Variants in BRWD1 observed in about 807,000 individuals in gnomAD.
The protein encoded by BRWD1 is bromodomain and WD repeat domain containing 1, also known as bromodomain and WD repeat-containing protein 1.
Under a neutral mutation model 251.2 loss-of-function variants are expected in BRWD1, and 82 were observed. The observed-to-expected ratio is 0.33, with a 90% CI of 0.27 to 0.39. The LOEUF is 0.39. BRWD1 is among the 10% of genes least tolerant of loss of function. The pLI is 1.00. For synonymous variants in BRWD1, 918 were observed against 902.8 expected (o/e 1.02, Z -0.30); for missense variants, 2,233 against 2,711.6 (o/e 0.82, Z 3.92).
At chr21:39,233,488 A>C (rs1445906858) in intron 23 of BRWD1, among the ~76,000 whole-genome samples, 1 of 152,204 alleles carries the variant, frequency 6.6e-6, no homozygotes, top group Non-Finnish European at 1.5e-5. Context: ...ATGAAGAGAC[A>C]AGTATGAAGA....
chr21:39,223,760 G>A (rs1003589882), intron 29 of BRWD1, among the ~76,000 whole-genome samples: 1 of 152,206 alleles, frequency 6.6e-6, no homozygotes, highest in Non-Finnish European at 1.5e-5. Context: ...ACAGATGGAA[G>A]TCAAGTTCAA....
In BRWD1 at chr21:39,209,983, A is replaced by T; in HGVS notation, c.4197+12T>A. ...CAGGCAGTTTTTTTCAATAAACCAC[A>T]TAAAAAATTACCTTTGATCTTTTGT... is the stretch of plus-strand genomic sequence containing the variant. On this transcript the variant is annotated intron_variant, in intron 36 of 40. Coordinates refer to ENST00000342449, the MANE Select transcript of BRWD1 (RefSeq NM_033656.4). 6.2e-7 allele frequency: 1 copy of T among 1,607,348 alleles called. No homozygotes were observed. The highest frequency in any genetic ancestry group is 8.5e-7 in the Non-Finnish European group (1 of 1,176,792).
intron 34 of BRWD1, among the ~76,000 whole-genome samples, chr21:39,211,977 C>T (rs2032680091): frequency 6.6e-6 from 1 of 152,068 alleles, no homozygotes; most frequent in African/African-American, 2.4e-5. Flanking sequence ...ATTATGATTA[C>T]CCACTTTCAT....
At chr21:39,271,628 C>T (rs996986193) in intron 13 of BRWD1, among the ~76,000 whole-genome samples, 24 of 128,376 alleles carry the variant, frequency 1.9e-4, no homozygotes, top group African/African-American at 3.0e-4. Context: ...ACCCAGGAGG[C>T]GGAACTTACA....
chr21:39,279,562 C>T (rs1259784375), intron 9 of BRWD1, among the ~76,000 whole-genome samples: 1 of 148,846 alleles, frequency 6.7e-6, no homozygotes, highest in Non-Finnish European at 1.5e-5. Flanking sequence ...TCACTTGAAC[C>T]CAGGAGGCAG....
intron 17 of BRWD1, 66 bp from the exon 18 acceptor site, chr21:39,258,738 G>C: frequency 8.4e-7 from 1 of 1,192,836 alleles, no homozygotes; most frequent in Non-Finnish European, 1.1e-6. Flanking sequence ...TTTCGTTAGG[G>C]TACAAATTAA....
At chr21:39,316,632 C>T (rs1488686749), upstream of BRWD1, among the ~76,000 whole-genome samples, 1 of 152,182 alleles carries the variant, frequency 6.6e-6, no homozygotes, top group African/African-American at 2.4e-5. Flanking sequence ...ATAACCATTA[C>T]AAGAGATCAG....
upstream of BRWD1, chr21:39,313,971 G>A (rs892213629): frequency 7.6e-6 from 3 of 395,994 alleles, no homozygotes; most frequent in Admixed American, 2.9e-5. Context: ...GGCCACAAGA[G>A]GGGGCGATTC....
chr21:39,226,551 T>C (rs1163358728), intron 27 of BRWD1, among the ~76,000 whole-genome samples: 1 of 152,204 alleles, frequency 6.6e-6, no homozygotes, highest in African/African-American at 2.4e-5. Context: ...TTACACCTCA[T>C]GGGAGCTGAA....
chr21:39,195,704 A>G lies in BRWD1; in HGVS notation c.*555T>C, dbSNP rs991387870. The G allele has an allele frequency of 1.0e-6, 1 of 984,968 alleles. No individual in the cohort carries two copies. The highest frequency in any genetic ancestry group is 1.8e-5 in the African/African-American group (1 of 57,022). 61.0% of individuals were successfully genotyped at this position (984,968 alleles called of 1,614,324 possible). A position where few individuals can be genotyped will look rare whatever the true frequency, so the allele number is the denominator to read the frequency against. On this transcript the variant is annotated 3_prime_UTR_variant, in exon 41 of 41. Coordinates refer to ENST00000342449, the MANE Select transcript of BRWD1 (RefSeq NM_033656.4). Reference sequence around the variant, plus strand: ...AAACCATTTCAATGAAAGTGACCAGATCTGGTATAATGCATTCTACTCAAG... The same window carrying G: ...AAACCATTTCAATGAAAGTGACCAGGTCTGGTATAATGCATTCTACTCAAG...
chr21:39,282,800 A>G (rs1012956699), intron 8 of BRWD1, among the ~76,000 whole-genome samples: 2 of 151,976 alleles, frequency 1.3e-5, no homozygotes, highest in African/African-American at 4.8e-5. Flanking sequence ...TCTACTAAAA[A>G]TACAAAAAAT....
chr21:39,259,301 T>C (rs2034664025), intron 17 of BRWD1, among the ~76,000 whole-genome samples: 1 of 151,860 alleles, frequency 6.6e-6, no homozygotes, highest in Admixed American at 6.6e-5. Context: ...AAGTACAGAG[T>C]TTTTCTGAGA....
chr21:39,206,225 T>C lies in BRWD1; in HGVS notation c.4247A>G (p.Lys1416Arg), dbSNP rs748599153. ...AATTTTAAAATCAGAAGAGATTTTC[T>C]TCATTTTTTCTTCAAATAAGGCAGA... ...RLSALFEEKM[K>R]KISSDFKIGQ... The change falls in exon 37 of 41, where the codon AAG (lysine) becomes AGG (arginine). Residue 1416 changes from lysine (K) to arginine (R), a missense_variant. By Grantham distance (26) the Lys-to-Arg change is conservative. Transcript: ENST00000342449. The C allele has an allele frequency of 6.2e-7, 1 of 1,609,838 alleles. No homozygotes were observed. The highest frequency in any genetic ancestry group is 8.5e-7 in the Non-Finnish European group (1 of 1,176,738).
At chr21:39,317,985 G>A (rs768494218), upstream of BRWD1, among the ~76,000 whole-genome samples, 2 of 152,288 alleles carry the variant, frequency 1.3e-5, no homozygotes, top group Non-Finnish European at 2.9e-5. Context: ...AGGAGTTTAA[G>A]GCTGTCACAA....
chr21:39,302,828 G>A (rs2036163580), intron 4 of BRWD1, among the ~76,000 whole-genome samples: 2 of 150,878 alleles, frequency 1.3e-5, no homozygotes, highest in African/African-American at 4.9e-5. Context: ...GGGAGGCCCA[G>A]ACAGGCGGAT....
chr21:39,209,448 AAAG>A (rs1041402227), intron 36 of BRWD1, among the ~76,000 whole-genome samples: 1 of 151,882 alleles, frequency 6.6e-6, no homozygotes, highest in Non-Finnish European at 1.5e-5. Flanking sequence ...AAAAAAAAAA[AAAG>A]AAAAAGAAAA....
chr21:39,285,766 C>T (rs556812871), intron 8 of BRWD1, among the ~76,000 whole-genome samples: 1 of 148,308 alleles, frequency 6.7e-6, no homozygotes, highest in East Asian at 2.0e-4. Flanking sequence ...ACTCAAAAAA[C>T]ACACACAAAA....
At chr21:39,242,340 T>A (rs558353515) in intron 21 of BRWD1, among the ~76,000 whole-genome samples, 1 of 152,296 alleles carries the variant, frequency 6.6e-6, no homozygotes, top group East Asian at 1.9e-4. Context: ...AAGCCAAAGC[T>A]TAACCCAGAG....
Position 39,313,520 on chromosome 21 carries a change from G to A in BRWD1, c.-29C>T, listed in dbSNP as rs570617089. 19 of 1,328,036 alleles carry A rather than the reference G, an allele frequency of 1.4e-5. No individual in the cohort carries two copies. Among genetic ancestry groups the A allele is most frequent in the South Asian group, 1.2e-4 (6 of 49,886 alleles). The allele number at this position is 1,328,036 out of a possible 1,614,324, so 82.3% of individuals were successfully genotyped here. ...CGGGCGCGGGGCGGGAGGCGGGAGC[G>A]AGCGAGCGAGCGGAGCGTGTAGGCC... On this transcript the variant is annotated 5_prime_UTR_variant, in exon 1 of 41. Transcript: ENST00000342449.
Sources: allele counts gnomAD v4.1 joint callset (sites outside exome capture counted in the v4.1 genomes callset), GRCh38; gene constraint gnomAD v4.1.1; transcripts MANE v1.5; gene names NCBI Gene and HGNC (gene_info 2026-07-23, HGNC 2026-07-21).